ZNF723: variants seen among roughly 807,000 people sequenced by gnomAD.
ZNF723 encodes the protein zinc finger protein 723.
ZNF723 carries 5 observed loss-of-function variants against 9.4 expected under a neutral mutation model. That is an observed-to-expected ratio of 0.53 (90% CI 0.28 to 1.12). The LOEUF (loss-of-function observed/expected upper bound fraction) is 1.12. Ranked by LOEUF, ZNF723 falls within the 50% of genes most tolerant of loss-of-function variation. The probability of loss-of-function intolerance (pLI) is 0.10; values close to 1 mark genes in which losing one functional copy is unlikely to be tolerated. For synonymous variants in ZNF723, 158 were observed against 168.8 expected (o/e 0.94, Z 0.49); for missense variants, 450 against 501.5 (o/e 0.90, Z 0.98).
the ZNF723 span, among the ~76,000 whole-genome samples, chr19:22,814,515 G>T: frequency 6.6e-6 from 1 of 152,148 alleles, no homozygotes; most frequent in African/African-American, 2.4e-5. Context: ...CAAGATTCAG[G>T]ACACCTGTGA....
At chr19:22,847,030 GAC>G (rs1320949019) in intron 1 of ZNF723, among the ~76,000 whole-genome samples, 1 of 143,556 alleles carries the variant, frequency 7.0e-6, no homozygotes, top group Non-Finnish European at 1.5e-5. Flanking sequence ...AGCACTCTCT[GAC>G]AGATTTTTTT....
chr19:22,823,263 T>G, the ZNF723 span, among the ~76,000 whole-genome samples: 5 of 152,310 alleles, frequency 3.3e-5, no homozygotes, highest in Non-Finnish European at 7.3e-5. Flanking sequence ...AGATAGTGAC[T>G]CTGGTATGCA....
intron 3 of ZNF723, among the ~76,000 whole-genome samples, chr19:22,856,784 T>TAAAATTCTTTA (rs1967485902): frequency 6.6e-6 from 1 of 152,212 alleles, no homozygotes; most frequent in Admixed American, 6.5e-5. Flanking sequence ...ACTTGTCTTT[T>TAAAATTCTTTA]AAAAAAGAAT....
chr19:22,818,912 C>T, the ZNF723 span, among the ~76,000 whole-genome samples: 4 of 152,304 alleles, frequency 2.6e-5, no homozygotes, highest in African/African-American at 9.6e-5. Flanking sequence ...ATGTAACCCA[C>T]TTGCCTGGGC....
At chr19:22,818,878 A>G in the ZNF723 span, among the ~76,000 whole-genome samples, 1 of 152,082 alleles carries the variant, frequency 6.6e-6, no homozygotes, top group Non-Finnish European at 1.5e-5. Flanking sequence ...ATTGTGCTAT[A>G]TTGCTGCATC....
Position 22,857,970 on chromosome 19 carries a change from A to G in ZNF723, c.1079A>G (p.Lys360Arg). 1 of 1,536,256 alleles carries G rather than the reference A, an allele frequency of 6.5e-7. No individual in the cohort carries two copies. ...FSQSSHITTH[K>R]RIHTGEKPYK... ...CAGTCCTCACACATTACTACACATAAGAGAATTCACACTGGAGAGAAACCC... is the reference window on the plus strand; with the variant it reads ...CAGTCCTCACACATTACTACACATAGGAGAATTCACACTGGAGAGAAACCC... Residue 360 changes from lysine to arginine, a missense_variant, in exon 4 of 4, where the codon AAG becomes AGG. Coordinates refer to ENST00000600766, the MANE Select transcript of ZNF723 (RefSeq NM_001349726.2).
rs1568408758 is a variant in ZNF723, at chr19:22,854,538, TTTA to T, written c.227-2577_227-2575del. Among the ~76,000 whole-genome samples the T allele has an allele frequency of 1.2e-4, 19 of 152,304 alleles. 1 individual carries two copies. Among genetic ancestry groups the T allele is most frequent in the Middle Eastern group, 3.4e-3 (1 of 294 alleles). On this transcript the variant is annotated intron_variant, in intron 3 of 3. Transcript: ENST00000600766. ...TTCTGAAACAAAAACTTAATAATGT[TTTA>T]TTGTTTTATTTGATTCTTGTATCTT...
chr19:22,828,066 G>T (rs182591104), upstream of ZNF723, among the ~76,000 whole-genome samples: 10 of 152,150 alleles, frequency 6.6e-5, no homozygotes, highest in Admixed American at 5.9e-4. Context: ...GGCAACAAGA[G>T]TGAAACTCCA....
the ZNF723 span, among the ~76,000 whole-genome samples, chr19:22,823,652 C>T: frequency 6.6e-6 from 1 of 152,194 alleles, no homozygotes; most frequent in Non-Finnish European, 1.5e-5. Context: ...TGCCCATACC[C>T]TGAGTGATTT....
chr19:22,824,928 A>G, the ZNF723 span, among the ~76,000 whole-genome samples: 1 of 152,190 alleles, frequency 6.6e-6, no homozygotes, highest in African/African-American at 2.4e-5. Flanking sequence ...GGGTACAATC[A>G]TGGGTCATAA....
the ZNF723 span, among the ~76,000 whole-genome samples, chr19:22,826,684 A>G: frequency 1.3e-5 from 2 of 152,202 alleles, no homozygotes; most frequent in Non-Finnish European, 1.5e-5. Flanking sequence ...CTCGTGTATG[A>G]ACTCAGCTCA....
At chr19:22,834,778 G>A (rs983403307) in intron 1 of ZNF723, among the ~76,000 whole-genome samples, 1 of 152,014 alleles carries the variant, frequency 6.6e-6, no homozygotes, top group Admixed American at 6.6e-5. Flanking sequence ...TGCTGGTACT[G>A]AGAGCAAAAC....
intron 1 of ZNF723, among the ~76,000 whole-genome samples, chr19:22,841,842 C>A (rs1291191995): frequency 6.6e-6 from 1 of 152,086 alleles, no homozygotes; most frequent in Admixed American, 6.6e-5. Flanking sequence ...ACACCTGCTG[C>A]AGATCCAAAT....
chr19:22,844,798 A>T (rs1168284966), intron 1 of ZNF723, among the ~76,000 whole-genome samples: 1 of 152,196 alleles, frequency 6.6e-6, no homozygotes, highest in East Asian at 1.9e-4. Context: ...CAGGGGGAGC[A>T]TCATCAGCAT....
chr19:22,847,959 G>C (rs1452035334), intron 1 of ZNF723, among the ~76,000 whole-genome samples: 2 of 151,868 alleles, frequency 1.3e-5, no homozygotes, highest in Non-Finnish European at 2.9e-5. Context: ...AAATTAGCTG[G>C]GCGTGGTGGT....
At chr19:22,832,438 G>T in intron 1 of ZNF723, 56 bp downstream of exon 1, 1 of 1,352,742 alleles carries the variant, frequency 7.4e-7, no homozygotes, top group South Asian at 1.2e-5. Context: ...TGGAACCGGT[G>T]GGAAGTGGCT....
chr19:22,828,606 T>C (rs1026825007), upstream of ZNF723, among the ~76,000 whole-genome samples: 5 of 152,124 alleles, frequency 3.3e-5, no homozygotes, highest in Admixed American at 2.0e-4. Context: ...TGAGCTGAGA[T>C]TGTGCTATTC....
intron 3 of ZNF723, among the ~76,000 whole-genome samples, chr19:22,851,461 C>T (rs148571779): frequency 1.2e-3 from 180 of 151,898 alleles, no homozygotes; most frequent in African/African-American, 4.1e-3. Context: ...CGTGAGGCAC[C>T]GCGCCCAGCC....
At position 22,858,342 on chromosome 19, in the gene ZNF723, A is replaced by G; in HGVS notation, c.1451A>G (p.Glu484Gly). 9.4e-7 allele frequency: 1 copy of G among 1,068,186 alleles called. No homozygotes were observed. Among genetic ancestry groups the G allele is most frequent in the Non-Finnish European group, 1.4e-6 (1 of 697,286 alleles). The allele number at this position is 1,068,186 out of a possible 1,614,324, so 66.2% of individuals were successfully genotyped here. ...IHAREKPYKC[E>G]ECGKAFNKSS... ...GCTAGAGAGAAGCCTTACAAATGTG[A>G]AGAATGTGGCAAAGCCTTTAACAAG... The change falls in exon 4 of 4, where the codon GAA becomes GGA. Residue 484 changes from glutamate (E) to glycine (G), a missense_variant. Around this residue, in one of 5 missense-constraint regions of ZNF723, gnomAD observed 43 missense variants for 22.2 expected, o/e 1.94. Transcript: ENST00000600766.
Sources: allele counts gnomAD v4.1 joint callset (sites outside exome capture counted in the v4.1 genomes callset), GRCh38; gene constraint gnomAD v4.1.1; regional missense constraint gnomAD v4.1.1; transcripts MANE v1.5; gene names NCBI Gene and HGNC (gene_info 2026-07-23, HGNC 2026-07-21).